Variants in DCUN1D4 observed in about 807,000 individuals in gnomAD.
DCUN1D4 encodes the protein DCN1-like protein 4.
A neutral mutation model predicts 47.9 loss-of-function variants in DCUN1D4; 22 were observed. That is an observed-to-expected ratio of 0.46 (90% CI 0.33 to 0.66). DCUN1D4 has a LOEUF of 0.66. DCUN1D4 is among the 30% of genes least tolerant of loss of function. The pLI is 0.02. For synonymous variants in DCUN1D4, 121 were observed against 112.2 expected (o/e 1.08, Z -0.50); for missense variants, 301 against 340.8 (o/e 0.88, Z 0.92).
In DCUN1D4 at chr4:51,911,073, A is replaced by G. The variant is rs1271545770; in HGVS notation, c.619A>G (p.Lys207Glu). 6.2e-7 allele frequency: 1 copy of G among 1,613,704 alleles called. No individual in the cohort carries two copies. Among genetic ancestry groups the G allele is most frequent in the Non-Finnish European group, 8.5e-7 (1 of 1,179,754 alleles). The change falls in exon 9 of 11, where the codon AAG (lysine) becomes GAG (glutamate). Residue 207 changes from lysine (K) to glutamate (E), a missense_variant. Physicochemically the swap from Lys to Glu is moderately conservative, Grantham distance 56. Transcript: ENST00000334635. ...YRYAFDFAREKDQRSLDINTA... is the reference protein window; with the variant it reads ...YRYAFDFAREEDQRSLDINTA... ...CTTGTTTTTGTTTGTTAAACAGGAA[A>G]AGGACCAGCGCAGCCTAGACATAAA... is the stretch of plus-strand genomic sequence containing the variant.
At chr4:51,861,395 C>T (rs938908270) in intron 1 of DCUN1D4, among the ~76,000 whole-genome samples, 22 of 152,092 alleles carry the variant, frequency 1.4e-4, no homozygotes, top group African/African-American at 5.1e-4. Flanking sequence ...GGGCCCAGCT[C>T]ACCGAAGTCC....
intron 1 of DCUN1D4, among the ~76,000 whole-genome samples, chr4:51,855,083 A>C (rs1336796248): frequency 1.3e-5 from 2 of 152,192 alleles, no homozygotes; most frequent in Admixed American, 6.5e-5. Flanking sequence ...TCCTCATGGA[A>C]CTTGGGCTCT....
In DCUN1D4 at chr4:51,868,947, G is replaced by A. The variant is rs552596518; in HGVS notation, c.136+5238G>A. Among the ~76,000 whole-genome samples the A allele has an allele frequency of 6.6e-5, 10 of 151,896 alleles. No individual in the cohort carries two copies. The South Asian group carries it at 1.5e-3, about 22-fold the overall frequency. On this transcript the variant is annotated intron_variant, in intron 3 of 10. Coordinates refer to ENST00000334635, the MANE Select transcript of DCUN1D4 (RefSeq NM_001040402.3). ...AGCCTGGGCAACATGGTGAAACCCC[G>A]TCTCTACTAAAAATACAAAAATTAG...
upstream of DCUN1D4, among the ~76,000 whole-genome samples, chr4:51,838,827 G>C (rs1455326492): frequency 6.6e-6 from 1 of 152,186 alleles, no homozygotes; most frequent in Non-Finnish European, 1.5e-5. Flanking sequence ...TGTAATCTCA[G>C]CACTTTGGGA....
chr4:51,886,897 A>G (rs1729566695), intron 6 of DCUN1D4: 4 of 452,512 alleles, frequency 8.8e-6, no homozygotes, highest in Non-Finnish European at 1.6e-5. Flanking sequence ...ATGCTTACAA[A>G]ATGGTGTGGC....
intron 8 of DCUN1D4, among the ~76,000 whole-genome samples, chr4:51,909,132 C>CT (rs895884660): frequency 2.0e-5 from 3 of 152,002 alleles, no homozygotes; most frequent in Admixed American, 6.6e-5. Flanking sequence ...TCTTTTGTAT[C>CT]TTTTTTTTCT....
chr4:51,911,361 G>A (rs1733693018), intron 9 of DCUN1D4, among the ~76,000 whole-genome samples, 187 bp downstream of exon 9: 1 of 152,144 alleles, frequency 6.6e-6, no homozygotes, highest in Non-Finnish European at 1.5e-5. Flanking sequence ...TGCGTTTAAT[G>A]TTGTGTTGCT....
chr4:51,844,330 G>A (rs1577804546), intron 1 of DCUN1D4: 1 of 984,870 alleles, frequency 1.0e-6, no homozygotes, highest in East Asian at 1.2e-4. Flanking sequence ...CGGGGCTGAG[G>A]TGGAGGAGAC....
At chr4:51,863,254 G>A (rs1427486145) in intron 1 of DCUN1D4, among the ~76,000 whole-genome samples, 183 bp from the exon 2 acceptor site, 1 of 152,068 alleles carries the variant, frequency 6.6e-6, no homozygotes, top group African/African-American at 2.4e-5. Flanking sequence ...ATTTGGTTGG[G>A]AATTTAACTT....
chr4:51,915,089 CAT>C lies in DCUN1D4; in HGVS notation c.*1506_*1507del, dbSNP rs113217291. On this transcript the variant is annotated 3_prime_UTR_variant, in exon 11 of 11. Transcript: ENST00000334635. ...TCTGGCTAAAACTTCTTTCGGGTGA[CAT>C]GTGATCGTTTAAATGGCATTAAGTG... 3.3e-3 allele frequency: 505 copies of C among 152,562 alleles called. 5 individuals are homozygous for C. The highest frequency in any genetic ancestry group is 0.014 in the Middle Eastern group (4 of 294). The allele number at this position is 152,562 out of a possible 1,614,324, so 9.5% of individuals were successfully genotyped here.
At chr4:51,899,420 C>G (rs2110095923) in intron 8 of DCUN1D4, 42 bp downstream of exon 8, 1 of 1,550,420 alleles carries the variant, frequency 6.4e-7, no homozygotes. Flanking sequence ...CCTCTCTTCC[C>G]TCCCCTTTTT....
At chr4:51,880,572 C>T (rs1011873285) in intron 5 of DCUN1D4, among the ~76,000 whole-genome samples, 9 of 152,182 alleles carry the variant, frequency 5.9e-5, no homozygotes, top group African/African-American at 2.2e-4. Flanking sequence ...GCCAGTTAAC[C>T]CCAGTCATCC....
intron 1 of DCUN1D4, 58 bp downstream of exon 1, chr4:51,843,325 T>C (rs897306044): frequency 3.8e-5 from 57 of 1,488,900 alleles, no homozygotes; most frequent in Non-Finnish European, 4.8e-5. Context: ...AACTCGCCAC[T>C]CGGCTCCCGC....
At chr4:51,904,721 G>A (rs1732614472) in intron 8 of DCUN1D4, among the ~76,000 whole-genome samples, 1 of 152,026 alleles carries the variant, frequency 6.6e-6, no homozygotes, top group East Asian at 1.9e-4. Flanking sequence ...CCAATTTCCT[G>A]GTTGTTTTTA....
At chr4:51,908,329 G>C (rs546152645) in intron 8 of DCUN1D4, among the ~76,000 whole-genome samples, 5 of 152,210 alleles carry the variant, frequency 3.3e-5, no homozygotes, top group African/African-American at 1.2e-4. Flanking sequence ...CACATTTTGG[G>C]TCAAGAGGTG....
At chr4:51,842,060 T>C (rs1323809092), upstream of DCUN1D4, among the ~76,000 whole-genome samples, 1 of 152,134 alleles carries the variant, frequency 6.6e-6, no homozygotes, top group Non-Finnish European at 1.5e-5. Flanking sequence ...GTGTGATAAG[T>C]TAGCTTCAAG....
At chr4:51,895,811 G>A (rs1390755079) in intron 7 of DCUN1D4, among the ~76,000 whole-genome samples, 1 of 152,168 alleles carries the variant, frequency 6.6e-6, no homozygotes, top group African/African-American at 2.4e-5. Context: ...GGGAAATGGT[G>A]TTCCTTAGAA....
chr4:51,883,871 A>AT (rs1180362673), intron 5 of DCUN1D4, among the ~76,000 whole-genome samples: 1 of 151,826 alleles, frequency 6.6e-6, no homozygotes, highest in East Asian at 1.9e-4. Flanking sequence ...GGAACATTTT[A>AT]TTTTTTATTT....
chr4:51,894,731 CATTTTA>C (rs1474320387), intron 7 of DCUN1D4, among the ~76,000 whole-genome samples: 2 of 152,126 alleles, frequency 1.3e-5, no homozygotes, highest in African/African-American at 4.8e-5. Context: ...TATTTTTGCT[CATTTTA>C]ATTTTATTAA....
Sources: allele counts gnomAD v4.1 joint callset (sites outside exome capture counted in the v4.1 genomes callset), GRCh38; gene constraint gnomAD v4.1.1; transcripts MANE v1.5; gene names NCBI Gene and HGNC (gene_info 2026-07-23, HGNC 2026-07-21).